ADAMTS5: variants seen among roughly 807,000 people sequenced by gnomAD.
ADAMTS5 encodes A disintegrin and metalloproteinase with thrombospondin motifs 5.
ADAMTS5 carries 54 observed loss-of-function variants against 81.4 expected under a neutral mutation model. The observed-to-expected ratio is 0.66, with a 90% CI of 0.53 to 0.83. The LOEUF is 0.83. Among genes scored for constraint, ADAMTS5 ranks in the 40% least tolerant of loss-of-function variants. The pLI is 0.00. For missense variants in ADAMTS5, 1,194 were observed against 1,229.9 expected (o/e 0.97, Z 0.44); for synonymous variants, 532 against 508.8 (o/e 1.05, Z -0.61).
chr21:26,965,833 C>T lies in ADAMTS5; in HGVS notation c.559G>A (p.Ala187Thr), dbSNP rs754370534. The part of the protein sequence containing the change: ...EKGRVYGDGS[A>T]RILHVYTREG... ...CGGGTGTAGACGTGCAGGATCCGTG[C>T]GGACCCATCCCCGTACACGCGCCCC... Residue 187 changes from alanine to threonine, a missense_variant, in exon 1 of 8, where the codon GCA becomes ACA. Physicochemically the swap from Ala to Thr is moderately conservative, Grantham distance 58. Around this residue, in one of 2 missense-constraint regions of ADAMTS5, gnomAD observed 498 missense variants for 412.3 expected, o/e 1.21. Transcript: ENST00000284987. The T allele has an allele frequency of 6.2e-7, 1 of 1,610,960 alleles. No homozygotes were observed. The highest frequency in any genetic ancestry group is 1.7e-5 in the Admixed American group (1 of 59,686).
chr21:26,952,928 T>C lies in ADAMTS5; in HGVS notation c.1237+1811A>G, dbSNP rs545293839. On this transcript the variant is annotated intron_variant, in intron 2 of 7. Transcript: ENST00000284987. ...TCTTAGTTTCCGGTGCAGATCGGAA[T>C]GTTGCCTTGAGCAAGTCTCATGTTT... Among the ~76,000 whole-genome samples, 42 of 152,346 alleles carry C rather than the reference T, an allele frequency of 2.8e-4. No individual in the cohort carries two copies. The East Asian group carries it at 3.7e-3, about 13-fold the overall frequency.
rs755931519 is a variant in ADAMTS5 at position 26,920,052 on chromosome 21, A to C, written c.*4001T>G. The C allele has an allele frequency of 6.6e-6, 1 of 152,138 alleles. No individual in the cohort carries two copies. Among genetic ancestry groups the C allele is most frequent in the Non-Finnish European group, 1.5e-5 (1 of 67,998 alleles). The allele number at this position is 152,138 out of a possible 1,614,324, so 9.4% of individuals were successfully genotyped here. A position where few individuals can be genotyped will look rare whatever the true frequency, so the allele number is the denominator to read the frequency against. ...ATTAGTAATATTCACCAATCATGCCAATGAGATTATACACTCTGCCAAAGA... is the reference window on the plus strand; with the variant it reads ...ATTAGTAATATTCACCAATCATGCCCATGAGATTATACACTCTGCCAAAGA... On this transcript the variant is annotated 3_prime_UTR_variant, in exon 8 of 8. Coordinates refer to ENST00000284987, the MANE Select transcript of ADAMTS5 (RefSeq NM_007038.5).
At position 26,965,295 on chromosome 21, in the gene ADAMTS5, G is replaced by C; in HGVS notation, c.1097C>G (p.Thr366Ser). The C allele has an allele frequency of 6.2e-7, 1 of 1,608,746 alleles. No homozygotes were observed. Among genetic ancestry groups the C allele is most frequent in the Non-Finnish European group, 8.5e-7 (1 of 1,175,738 alleles). ...CATCCCGGCTGGACCTACCTCCCGA[G>C]TAAACAGGATAGCTGCATCGTAGTG... ...EEHYDAAILF[T>S]REDLCGHHSC... Residue 366 changes from threonine (T) to serine (S), a missense_variant, in exon 1 of 8, where the codon ACT becomes AGT. Around this residue, in one of 2 missense-constraint regions of ADAMTS5, gnomAD observed 696 missense variants for 817.6 expected, o/e 0.85. Transcript: ENST00000284987.
At chr21:26,947,931 G>A (rs1987246564) in intron 2 of ADAMTS5, among the ~76,000 whole-genome samples, 1 of 152,162 alleles carries the variant, frequency 6.6e-6, no homozygotes, top group Non-Finnish European at 1.5e-5. Flanking sequence ...TCAGAGTAAA[G>A]TCTATAGGAC....
intron 7 of ADAMTS5, among the ~76,000 whole-genome samples, chr21:26,928,047 G>A (rs1986836806): frequency 1.3e-5 from 2 of 152,110 alleles, no homozygotes; most frequent in Admixed American, 1.3e-4. Flanking sequence ...GTCATATTGT[G>A]AATGGGCTTA....
chr21:26,941,793 G>A (rs995923588), intron 3 of ADAMTS5, among the ~76,000 whole-genome samples: 6 of 152,032 alleles, frequency 3.9e-5, no homozygotes, highest in South Asian at 2.1e-4. Context: ...AATATTATGC[G>A]TGGAGACTTA....
chr21:26,947,342 A>C (rs1568847367), intron 2 of ADAMTS5, among the ~76,000 whole-genome samples: 1 of 152,218 alleles, frequency 6.6e-6, no homozygotes, highest in Non-Finnish European at 1.5e-5. Flanking sequence ...AGCCAGAGTG[A>C]AATTCAGAGA....
intron 2 of ADAMTS5, among the ~76,000 whole-genome samples, chr21:26,946,029 C>T (rs1454330974): frequency 6.6e-6 from 1 of 152,180 alleles, no homozygotes; most frequent in Non-Finnish European, 1.5e-5. Flanking sequence ...GAGGCATGCT[C>T]TCTCAAGGGC....
intron 3 of ADAMTS5, among the ~76,000 whole-genome samples, chr21:26,935,223 C>G (rs1986991873): frequency 6.6e-6 from 1 of 152,160 alleles, no homozygotes; most frequent in Non-Finnish European, 1.5e-5. Flanking sequence ...CACCCCTTCC[C>G]CATGTGCCTA....
In ADAMTS5 at chr21:26,966,024, G is replaced by C; in HGVS notation, c.368C>G (p.Pro123Arg). The part of the protein sequence containing the change: ...FVPAGGGTSA[P>R]WRHRSHCFYR... The stretch of plus-strand genomic sequence containing the variant: ...GAAGCAGTGGCTCCGGTGGCGCCAG[G>C]GCGCACTCGTCCCGCCTCCTGCGGG... The change falls in exon 1 of 8, where the codon CCC becomes CGC. Residue 123 changes from proline to arginine, a missense_variant. Pro to Arg is a moderately radical substitution (Grantham distance 103, BLOSUM62 -2). Transcript: ENST00000284987. The C allele has an allele frequency of 6.2e-7, 1 of 1,613,076 alleles. No individual in the cohort carries two copies. Among genetic ancestry groups the C allele is most frequent in the South Asian group, 1.1e-5 (1 of 91,052 alleles).
chr21:26,924,802 G>T (rs1986777568), intron 7 of ADAMTS5, among the ~76,000 whole-genome samples, 182 bp from the exon 8 acceptor site: 1 of 152,164 alleles, frequency 6.6e-6, no homozygotes, highest in Non-Finnish European at 1.5e-5. Context: ...TGAGAAAATT[G>T]CAATTATACT....
intron 2 of ADAMTS5, among the ~76,000 whole-genome samples, chr21:26,949,941 A>C (rs1987287488): frequency 6.6e-6 from 1 of 152,224 alleles, no homozygotes; most frequent in African/African-American, 2.4e-5. Flanking sequence ...TTTTCAAAAT[A>C]TGGCCGTGTT....
At chr21:26,924,746 A>G in intron 7 of ADAMTS5, 126 bp from the exon 8 acceptor site, 2 of 780,516 alleles carry the variant, frequency 2.6e-6, no homozygotes, top group Non-Finnish European at 4.1e-6. Flanking sequence ...CTTAACACAC[A>G]GTTTTAATGG....
intron 2 of ADAMTS5, among the ~76,000 whole-genome samples, chr21:26,948,985 G>A (rs971392107): frequency 6.8e-6 from 1 of 147,950 alleles, no homozygotes; most frequent in Non-Finnish European, 1.5e-5. Flanking sequence ...ATGGCATTTT[G>A]TAAGAATTAA....
At chr21:26,947,991 C>G (rs540160640) in intron 2 of ADAMTS5, among the ~76,000 whole-genome samples, 3 of 152,258 alleles carry the variant, frequency 2.0e-5, no homozygotes, top group East Asian at 3.9e-4. Context: ...CAAATCGTCA[C>G]CTGATAACTT....
At chr21:26,953,571 T>A (rs573005226) in intron 2 of ADAMTS5, among the ~76,000 whole-genome samples, 1 of 152,318 alleles carries the variant, frequency 6.6e-6, no homozygotes, top group Non-Finnish European at 1.5e-5. Context: ...CTCTGCCTAT[T>A]AGGAATGTAA....
chr21:26,933,970 G>A (rs946970324), intron 4 of ADAMTS5, among the ~76,000 whole-genome samples: 8 of 152,142 alleles, frequency 5.3e-5, no homozygotes, highest in Non-Finnish European at 1.2e-4. Context: ...AGTGGCAGAC[G>A]TGTTTCCCCG....
rs534808881 is a variant in ADAMTS5, at chr21:26,966,029, A to C, written c.363T>G (p.Ser121Arg). 102 of 1,612,820 alleles carry C rather than the reference A, an allele frequency of 6.3e-5. 1 individual carries two copies. In the East Asian group the frequency reaches 2.1e-3, roughly 34 times the overall value. ...AGTGGCTCCGGTGGCGCCAGGGCGC[A>C]CTCGTCCCGCCTCCTGCGGGCACGA... is the stretch of plus-strand genomic sequence containing the variant. ...AGFVPAGGGTSAPWRHRSHCF... is the reference protein window; with the variant it reads ...AGFVPAGGGTRAPWRHRSHCF... The change falls in exon 1 of 8, where the codon AGT becomes AGG. Residue 121 changes from serine to arginine, a missense_variant. By Grantham distance (110) the Ser-to-Arg change is moderately radical. This residue lies in a region of ADAMTS5 where 498 missense variants were observed against 412.3 expected (regional missense o/e 1.21). Transcript: ENST00000284987.
At chr21:26,944,439 T>C (rs1987175497) in intron 2 of ADAMTS5, among the ~76,000 whole-genome samples, 2 of 152,210 alleles carry the variant, frequency 1.3e-5, no homozygotes, top group Non-Finnish European at 1.5e-5. Flanking sequence ...ATAATTGCAT[T>C]CTTATAATCC....
Sources: allele counts gnomAD v4.1 joint callset (sites outside exome capture counted in the v4.1 genomes callset), GRCh38; gene constraint gnomAD v4.1.1; regional missense constraint gnomAD v4.1.1; transcripts MANE v1.5; gene names NCBI Gene and HGNC (gene_info 2026-07-23, HGNC 2026-07-21).